NF1: variants seen among roughly 807,000 people sequenced by gnomAD.
NF1 encodes neurofibromin.
In NF1, 122 loss-of-function variants were observed where a neutral mutation model predicts 325.7. That is an observed-to-expected ratio of 0.37 (90% confidence interval 0.32 to 0.44). NF1 has a LOEUF of 0.44. Ranked by LOEUF, NF1 falls within the 20% of genes least tolerant of loss-of-function variation. The pLI, the probability that NF1 is intolerant of heterozygous loss-of-function variation, is 1.00. For synonymous variants in NF1, 1,091 were observed against 1,186.0 expected, an observed-to-expected ratio of 0.92 and a Z score of 1.65; for missense variants, 2,140 against 3,415.4, an observed-to-expected ratio of 0.63 and a Z score of 9.31.
chr17:31,160,938 C>G (rs1180030980), intron 3 of NF1, among the ~76,000 whole-genome samples: 1 of 152,104 alleles, frequency 6.6e-6, no homozygotes, highest in African/African-American at 2.4e-5. Context: ...AATGTGTATG[C>G]TTTTTCATTA....
At position 31,343,081 on chromosome 17, in the gene NF1, G is replaced by A. The variant is rs775476318; in HGVS notation, c.7135G>A (p.Gly2379Arg). ...WHCKQMDHFV[G>R]LNFNSNFNFA... is the part of the protein sequence containing the mutation. ...CTGCAAGCAAATGGATCATTTTGTT[G>A]GACTCAATTTCAACTCTAACTTTAA... The change falls in exon 48 of 58, where the codon GGA becomes AGA. Residue 2379 changes from glycine (G) to arginine (R), a missense_variant. Coordinates refer to ENST00000358273, the MANE Select transcript of NF1 (RefSeq NM_001042492.3). The A allele has an allele frequency of 3.1e-6, 5 of 1,613,834 alleles. No homozygotes were observed. Among genetic ancestry groups the A allele is most frequent in the Admixed American group, 3.3e-5 (2 of 59,994 alleles).
At chr17:31,196,241 G>A (rs1453185267) in intron 8 of NF1, among the ~76,000 whole-genome samples, 1 of 151,430 alleles carries the variant, frequency 6.6e-6, no homozygotes, top group Non-Finnish European at 1.5e-5. Flanking sequence ...CCTAGGCTTT[G>A]ATTTTGTTTC....
chr17:31,340,741 T>C, intron 47 of NF1, 96 bp downstream of exon 47: 1 of 1,266,374 alleles, frequency 7.9e-7, no homozygotes, highest in Non-Finnish European at 1.1e-6. Context: ...AAGAAGTCCA[T>C]AACTTAAGTA....
At position 31,228,972 on chromosome 17, in the gene NF1, G is replaced by A. The variant is rs962073077; in HGVS notation, c.2410-53G>A. ...TGTTGGATAAAGCATAATTTGTCAA[G>A]TCTCAACTAATTAAGGTTTAATTCA... is the stretch of plus-strand genomic sequence containing the variant. On this transcript the variant is annotated intron_variant, in intron 20 of 57. Transcript: ENST00000358273. 106 of 1,418,444 alleles carry A rather than the reference G, an allele frequency of 7.5e-5. 1 individual carries two copies. In the African/African-American group the frequency reaches 1.4e-3, roughly 19 times the overall value. 87.9% of individuals were successfully genotyped at this position (1,418,444 alleles called of 1,614,324 possible). A position where few individuals can be genotyped will look rare whatever the true frequency, so the allele number is the denominator to read the frequency against.
chr17:31,355,404 A>C (rs2070247909), intron 51 of NF1, among the ~76,000 whole-genome samples: 1 of 152,164 alleles, frequency 6.6e-6, no homozygotes, highest in Admixed American at 6.6e-5. Flanking sequence ...AAGAAGCCGG[A>C]CTAGATCCCT....
intron 5 of NF1, among the ~76,000 whole-genome samples, chr17:31,175,794 G>C (rs1302169669): frequency 7.9e-5 from 12 of 151,896 alleles, no homozygotes; most frequent in Non-Finnish European, 1.8e-4. Context: ...TTCTGTTCTT[G>C]TGTTTGCTGA....
chr17:31,127,833 A>G (rs1452485717), intron 1 of NF1, among the ~76,000 whole-genome samples: 1 of 151,616 alleles, frequency 6.6e-6, no homozygotes, highest in Non-Finnish European at 1.5e-5. Flanking sequence ...TTTATCTTCA[A>G]TCTTTTTTTT....
At chr17:31,354,168 T>C (rs554801645) in intron 51 of NF1, among the ~76,000 whole-genome samples, 5 of 152,350 alleles carry the variant, frequency 3.3e-5, no homozygotes, top group Admixed American at 6.5e-5. Context: ...CCAAGACTTA[T>C]AATCAGCCAA....
At chr17:31,136,760 GTTA>G (rs1381735541) in intron 1 of NF1, 1 of 149,010 alleles carries the variant, frequency 6.7e-6, no homozygotes, top group East Asian at 2.0e-4. Flanking sequence ...TTTAAAATTA[GTTA>G]TTATTGTCGA....
intron 54 of NF1, chr17:31,357,965 G>A: frequency 6.1e-6 from 1 of 163,386 alleles, no homozygotes; most frequent in Non-Finnish European, 1.3e-5. Context: ...TTTTTCCTAA[G>A]TTTCAGTTGG....
chr17:31,250,352 A>T (rs1444112423), intron 30 of NF1: 3 of 216,922 alleles, frequency 1.4e-5, no homozygotes, highest in Non-Finnish European at 9.4e-6. Flanking sequence ...TTATTTAGTA[A>T]TTGTTCTATT....
At chr17:31,106,847 G>A (rs1037490809) in intron 1 of NF1, among the ~76,000 whole-genome samples, 10 of 152,156 alleles carry the variant, frequency 6.6e-5, no homozygotes, top group African/African-American at 2.4e-4. Flanking sequence ...GAATTTGTGA[G>A]AATACCAACA....
At chr17:31,152,967 G>T (rs1264721524) in intron 1 of NF1, among the ~76,000 whole-genome samples, 1 of 151,856 alleles carries the variant, frequency 6.6e-6, no homozygotes, top group East Asian at 1.9e-4. Context: ...GGCCAGGATA[G>T]CTTTGTAGCT....
At chr17:31,318,619 T>G in intron 36 of NF1, 1 of 1,613,636 alleles carries the variant, frequency 6.2e-7, no homozygotes, top group Non-Finnish European at 8.5e-7. Context: ...CATAGCCATG[T>G]TGTTGTTGTT....
At chr17:31,129,365 T>G (rs1240686868) in intron 1 of NF1, among the ~76,000 whole-genome samples, 2 of 152,176 alleles carry the variant, frequency 1.3e-5, no homozygotes, top group African/African-American at 2.4e-5. Flanking sequence ...TTGTCTGTCT[T>G]CTTATTTCAG....
intron 12 of NF1, 129 bp downstream of exon 12, chr17:31,206,500 T>A: frequency 9.2e-7 from 1 of 1,091,662 alleles, no homozygotes; most frequent in Non-Finnish European, 1.4e-6. Flanking sequence ...CTAAATGTTG[T>A]GGTATGTTGT....
rs876659956 is a variant in NF1, at chr17:31,326,199, G to C, written c.5215G>C (p.Val1739Leu). The C allele has an allele frequency of 6.2e-7, 1 of 1,613,116 alleles. No homozygotes were observed. Among genetic ancestry groups the C allele is most frequent in the Non-Finnish European group, 8.5e-7 (1 of 1,179,940 alleles). The change falls in exon 37 of 58, where the codon GTA becomes CTA. Residue 1739 changes from valine to leucine, a missense_variant. Coordinates refer to ENST00000358273, the MANE Select transcript of NF1 (RefSeq NM_001042492.3). Reference sequence around the variant, plus strand: ...CTTGGCTTTAGAAGAGGACCTGAAGGTATTCCACAATGCTCTCAAGCTAGC... The same window carrying C: ...CTTGGCTTTAGAAGAGGACCTGAAGCTATTCCACAATGCTCTCAAGCTAGC... Reference protein sequence around the residue: ...ATLALEEDLKVFHNALKLAHK... With the variant: ...ATLALEEDLKLFHNALKLAHK...
rs1555594493 is a variant in NF1, at chr17:31,095,356, G to A, written c.47G>A (p.Arg16His). ...GAATGGGTCCAGGCCGTGGTCAGCC[G>A]CTTCGACGAGCAGGTAACCGGCCCG... ...PVEWVQAVVS[R>H]FDEQLPIKTG... Residue 16 changes from arginine (R) to histidine (H), a missense_variant, in exon 1 of 58, where the codon CGC (arginine) becomes CAC (histidine). Arg to His is a conservative substitution (Grantham distance 29, BLOSUM62 0). This residue lies in a region of NF1 where 246 missense variants were observed against 347.8 expected (regional missense o/e 0.71). Coordinates refer to ENST00000358273, the MANE Select transcript of NF1 (RefSeq NM_001042492.3). 1 of 1,539,828 alleles carries A rather than the reference G, an allele frequency of 6.5e-7. No homozygotes were observed.
chr17:31,227,686 C>T (rs1374491104), intron 20 of NF1, 80 bp downstream of exon 20: 29 of 1,279,066 alleles, frequency 2.3e-5, no homozygotes, highest in Middle Eastern at 1.8e-4. Flanking sequence ...TTTCAAGAGT[C>T]GCTCAGTAAA....
Sources: gnomAD v4.1 joint callset for allele counts (sites outside exome capture counted in the v4.1 genomes callset) on GRCh38, gnomAD v4.1.1 for gene constraint, gnomAD v4.1.1 regional missense constraint, MANE v1.5 for transcripts, NCBI Gene and HGNC (gene_info 2026-07-23, HGNC 2026-07-21) for gene names.